The following GLIS3 variants were observed in gnomAD, a reference collection of about 807,000 sequenced individuals.
The protein encoded by GLIS3 is zinc finger protein GLIS3.
GLIS3 carries 53 observed loss-of-function variants against 78.6 expected under a neutral mutation model. That is an observed-to-expected ratio of 0.67 (90% confidence interval 0.54 to 0.85). The LOEUF is 0.85. GLIS3 is among the 40% of genes least tolerant of loss of function. The pLI is 0.00. For synonymous variants in GLIS3, 684 were observed against 509.9 expected (o/e 1.34, Z -4.60); for missense variants, 1,703 against 1,231.1 (o/e 1.38, Z -5.74).
chr9:4,379,076 C>T, the GLIS3 span, among the ~76,000 whole-genome samples: 82 of 152,254 alleles, frequency 5.4e-4, no homozygotes, highest in African/African-American at 1.9e-3. Flanking sequence ...AACCTGCAGC[C>T]TCTCGGCCGT....
At chr9:4,087,132 A>G (rs1311121656) in intron 4 of GLIS3, among the ~76,000 whole-genome samples, 1 of 152,256 alleles carries the variant, frequency 6.6e-6, no homozygotes, top group Non-Finnish European at 1.5e-5. Flanking sequence ...AAATCATGTG[A>G]AGTGGAGGCA....
At chr9:4,431,901 G>GGTC in the GLIS3 span, among the ~76,000 whole-genome samples, 22 of 150,740 alleles carry the variant, frequency 1.5e-4, no homozygotes, top group Non-Finnish European at 3.2e-4. Flanking sequence ...TGTGCCCTAT[G>GGTC]GTCTCTGTCA....
intron 2 of GLIS3, among the ~76,000 whole-genome samples, chr9:4,157,017 G>A (rs572369371): frequency 2.6e-5 from 4 of 152,288 alleles, no homozygotes; most frequent in East Asian, 1.9e-4. Context: ...TGAAAAGCAC[G>A]GCTCTAACAT....
At chr9:4,025,353 T>G (rs571817030) in intron 4 of GLIS3, among the ~76,000 whole-genome samples, 1 of 152,090 alleles carries the variant, frequency 6.6e-6, no homozygotes. Context: ...TATCAGACCA[T>G]ATATACAACG....
intron 2 of GLIS3, among the ~76,000 whole-genome samples, chr9:4,139,840 G>A (rs903045301): frequency 3.3e-5 from 5 of 152,158 alleles, no homozygotes; most frequent in Non-Finnish European, 1.5e-5. Flanking sequence ...GACACGAGGC[G>A]AAGCTTGGGC....
At position 3,847,568 on chromosome 9, in the gene GLIS3, T is replaced by A. The variant is rs149894956; in HGVS notation, c.2473+8441A>T. Reference sequence around the variant, plus strand: ...TTAATCTGTGTGGGTGCACATGCACTCATGCTTGTGTGTGCAGATGCTTAG... The same window carrying A: ...TTAATCTGTGTGGGTGCACATGCACACATGCTTGTGTGTGCAGATGCTTAG... On this transcript the variant is annotated intron_variant, in intron 9 of 10. Coordinates refer to ENST00000381971, the MANE Select transcript of GLIS3 (RefSeq NM_001042413.2). Among the ~76,000 whole-genome samples, 954 of 152,380 alleles carry A rather than the reference T, an allele frequency of 6.3e-3. 3 individuals carry two copies. Among genetic ancestry groups the A allele is most frequent in the Middle Eastern group, 0.034 (10 of 294 alleles).
chr9:4,301,395 A>G (rs1410016029), upstream of GLIS3, among the ~76,000 whole-genome samples: 1 of 152,252 alleles, frequency 6.6e-6, no homozygotes, highest in African/African-American at 2.4e-5. Context: ...TACTCATAAA[A>G]TGAAGCATGC....
chr9:4,083,443 T>G (rs1336349264), intron 4 of GLIS3, among the ~76,000 whole-genome samples: 2 of 152,116 alleles, frequency 1.3e-5, no homozygotes, highest in African/African-American at 2.4e-5. Flanking sequence ...AGCCTTGAAT[T>G]TGTCCTGTTA....
intron 1 of GLIS3, chr9:4,298,350 G>C (rs929384298): frequency 2.2e-6 from 1 of 455,892 alleles, no homozygotes; most frequent in East Asian, 7.0e-5. Context: ...CGCGGAGCCA[G>C]AAACCCTTCC....
the GLIS3 span, among the ~76,000 whole-genome samples, chr9:4,433,705 C>T: frequency 6.6e-6 from 1 of 152,226 alleles, no homozygotes; most frequent in African/African-American, 2.4e-5. Context: ...TGTTGGGCTT[C>T]CTTGTCAGAG....
At chr9:4,189,002 T>C (rs926225672) in intron 2 of GLIS3, among the ~76,000 whole-genome samples, 1 of 152,206 alleles carries the variant, frequency 6.6e-6, no homozygotes, top group Non-Finnish European at 1.5e-5. Context: ...TTCCTTCAGT[T>C]CTGCTCTGAT....
At chr9:4,259,179 C>G (rs1825269826) in intron 2 of GLIS3, among the ~76,000 whole-genome samples, 1 of 152,134 alleles carries the variant, frequency 6.6e-6, no homozygotes, top group South Asian at 2.1e-4. Flanking sequence ...AACCTAGAAA[C>G]TGGTAATATG....
chr9:4,308,669 G>C (rs183247358), intron 4 of GLIS3: 2 of 152,456 alleles, frequency 1.3e-5, no homozygotes, highest in South Asian at 2.1e-4. Context: ...AATCAGCCTG[G>C]ATGGGATCTA....
chr9:4,189,000 G>C (rs1301168729), intron 2 of GLIS3, among the ~76,000 whole-genome samples: 3 of 152,002 alleles, frequency 2.0e-5, no homozygotes, highest in Non-Finnish European at 2.9e-5. Flanking sequence ...ATTTCCTTCA[G>C]TTCTGCTCTG....
chr9:4,209,226 C>T (rs1302222256), intron 2 of GLIS3, among the ~76,000 whole-genome samples: 1 of 152,150 alleles, frequency 6.6e-6, no homozygotes, highest in Non-Finnish European at 1.5e-5. Flanking sequence ...TAAAATTACC[C>T]TGAGTTCATC....
intron 2 of GLIS3, among the ~76,000 whole-genome samples, chr9:4,250,142 T>A (rs922768891): frequency 3.3e-5 from 5 of 152,188 alleles, no homozygotes; most frequent in Admixed American, 2.0e-4. Context: ...ATAAAATGAG[T>A]TAGGGAGGAT....
intron 2 of GLIS3, among the ~76,000 whole-genome samples, chr9:4,242,139 C>G (rs1293546609): frequency 2.0e-5 from 3 of 152,116 alleles, no homozygotes; most frequent in East Asian, 3.9e-4. Context: ...TAAGGGAAAC[C>G]TGGCTTGCTG....
intron 2 of GLIS3, among the ~76,000 whole-genome samples, chr9:4,270,965 T>A (rs947378893): frequency 6.6e-6 from 1 of 151,532 alleles, no homozygotes; most frequent in Non-Finnish European, 1.5e-5. Context: ...CAACACAGGT[T>A]TGAACTGCAC....
rs777945478 is a variant in GLIS3 at position 4,118,714 on chromosome 9, G to A, written c.764C>T (p.Pro255Leu). The A allele has an allele frequency of 4.3e-6, 7 of 1,614,092 alleles. No individual in the cohort carries two copies. In the East Asian group the frequency reaches 1.1e-4, roughly 26 times the overall value. The change falls in exon 4 of 11, where the codon CCT becomes CTT. Residue 255 changes from proline to leucine, a missense_variant. Physicochemically the swap from Pro to Leu is moderately conservative, Grantham distance 98. Transcript: ENST00000381971. This position sits in a 1 kb window ranked among gnomAD's most constrained non-coding sequence, Gnocchi z 4.7. ...GLDLGDLLSL[P>L]PGTSMSSNSV... The stretch of plus-strand genomic sequence containing the variant: ...ATTGCTGGACATGGATGTCCCGGGA[G>A]GAAGGCTAAGGAGATCCCCTAGATC...
Sources: allele counts gnomAD v4.1 joint callset (sites outside exome capture counted in the v4.1 genomes callset), GRCh38; gene constraint gnomAD v4.1.1; non-coding constraint Gnocchi (gnomAD v3.1); transcripts MANE v1.5; gene names NCBI Gene and HGNC (gene_info 2026-07-23, HGNC 2026-07-21).